Variants in DNAH11 observed in about 807,000 individuals in gnomAD.
DNAH11 encodes axonemal beta dynein heavy chain 11.
Under a neutral mutation model 526.0 loss-of-function variants are expected in DNAH11, and 442 were observed. The observed-to-expected ratio is 0.84, with a 90% CI of 0.78 to 0.91. The LOEUF (loss-of-function observed/expected upper bound fraction) is 0.91. Among genes scored for constraint, DNAH11 ranks in the 40% least tolerant of loss-of-function variants. The pLI is 0.00. For missense variants in DNAH11, 6,989 were observed against 5,448.7 expected (o/e 1.28, Z -8.90); for synonymous variants, 2,461 against 1,935.9 (o/e 1.27, Z -7.12).
At chr7:21,831,469 C>A (rs1205416980) in intron 65 of DNAH11, among the ~76,000 whole-genome samples, 2 of 152,274 alleles carry the variant, frequency 1.3e-5, no homozygotes, top group East Asian at 3.9e-4. Context: ...AGATCATAAA[C>A]ACCCCAATTG....
intron 7 of DNAH11, 36 bp from the exon 8 acceptor site, chr7:21,571,770 T>C: frequency 6.5e-7 from 1 of 1,533,728 alleles, no homozygotes; most frequent in Non-Finnish European, 8.8e-7. Flanking sequence ...TGCTGCTCAA[T>C]GTAGTGGAAA....
At chr7:21,736,823 C>G (rs971569169) in intron 46 of DNAH11, among the ~76,000 whole-genome samples, 3 of 151,998 alleles carry the variant, frequency 2.0e-5, no homozygotes, top group Non-Finnish European at 4.4e-5. Context: ...ATACCTGTCC[C>G]CCAAAAAGAG....
chr7:21,643,239 T>C (rs1256592943), intron 28 of DNAH11, among the ~76,000 whole-genome samples: 1 of 152,168 alleles, frequency 6.6e-6, no homozygotes, highest in Non-Finnish European at 1.5e-5. Context: ...GTTGTTAAAG[T>C]CAGACAAAAT....
chr7:21,642,399 A>T (rs536172410), intron 28 of DNAH11, among the ~76,000 whole-genome samples: 1 of 152,144 alleles, frequency 6.6e-6, no homozygotes, highest in East Asian at 1.9e-4. Context: ...TTCAACATGC[A>T]TTCTGAATTC....
At chr7:21,857,818 T>G (rs1248510373) in intron 68 of DNAH11, among the ~76,000 whole-genome samples, 1 of 152,048 alleles carries the variant, frequency 6.6e-6, no homozygotes, top group Non-Finnish European at 1.5e-5. Flanking sequence ...TATAAAAAAA[T>G]TCAAAATGAA....
Position 21,816,693 on chromosome 7 carries a change from G to A in DNAH11, c.10559G>A (p.Gly3520Asp), listed in dbSNP as rs758880826. ...YGMDLKVTHLGQKGFLNAIET... is the reference protein window; with the variant it reads ...YGMDLKVTHLDQKGFLNAIET... Reference sequence around the variant, plus strand: ...ATGGACCTGAAAGTCACACATTTGGGCCAGAAAGGGTATGTGAAGTTTGAA... The same window carrying A: ...ATGGACCTGAAAGTCACACATTTGGACCAGAAAGGGTATGTGAAGTTTGAA... Residue 3520 changes from glycine to aspartate, a missense_variant, in exon 64 of 82, where the codon GGC (glycine) becomes GAC (aspartate). Coordinates refer to ENST00000409508, the MANE Select transcript of DNAH11 (RefSeq NM_001277115.2). The A allele has an allele frequency of 1.2e-6, 2 of 1,613,146 alleles. No individual in the cohort carries two copies. The highest frequency in any genetic ancestry group is 2.7e-5 in the African/African-American group (2 of 74,884).
Position 21,750,480 on chromosome 7 carries a change from G to A in DNAH11, c.8940+116G>A, listed in dbSNP as rs150954875. On this transcript the variant is annotated intron_variant, in intron 54 of 81. Coordinates refer to ENST00000409508, the MANE Select transcript of DNAH11 (RefSeq NM_001277115.2). ...TTTCAGTCATGCATTTTGAAAGGAC[G>A]TGTGCATTTTTACACGCCTGTATCT... 3.3e-4 allele frequency: 458 copies of A among 1,387,828 alleles called. 6 individuals carry two copies. The East Asian group carries it at 9.4e-3, about 29-fold the overall frequency. The allele number at this position is 1,387,828 out of a possible 1,614,324, so 86.0% of individuals were successfully genotyped here.
At chr7:21,701,280 C>A (rs57164407) in intron 36 of DNAH11, among the ~76,000 whole-genome samples, 14 of 150,322 alleles carry the variant, frequency 9.3e-5, no homozygotes, top group African/African-American at 3.0e-4. Context: ...TTTCACCAAA[C>A]ACTTTTTACT....
intron 8 of DNAH11, among the ~76,000 whole-genome samples, chr7:21,578,653 A>G (rs1488556712): frequency 6.6e-6 from 1 of 152,198 alleles, no homozygotes; most frequent in Non-Finnish European, 1.5e-5. Flanking sequence ...CTGCCCTAGC[A>G]GAGGTTCTCC....
chr7:21,605,964 C>G (rs1246087305), intron 18 of DNAH11, among the ~76,000 whole-genome samples: 1 of 152,186 alleles, frequency 6.6e-6, no homozygotes, highest in Non-Finnish European at 1.5e-5. Context: ...CTTTTCATCA[C>G]TTTCATCCTT....
chr7:21,892,089 GT>G (rs1297509496), intron 76 of DNAH11, among the ~76,000 whole-genome samples: 3 of 152,094 alleles, frequency 2.0e-5, no homozygotes, highest in African/African-American at 7.2e-5. Flanking sequence ...AATGGGGATG[GT>G]TGGGAGAATC....
chr7:21,838,227 C>T (rs1196678692), intron 65 of DNAH11, among the ~76,000 whole-genome samples: 1 of 152,182 alleles, frequency 6.6e-6, no homozygotes, highest in Non-Finnish European at 1.5e-5. Flanking sequence ...CCTTATCAAA[C>T]AAGATTATCC....
In DNAH11 at chr7:21,687,243, A is replaced by C. The variant is rs1022609537; in HGVS notation, c.5766A>C (p.Gln1922His). Residue 1922 changes from glutamine (Q) to histidine (H), a missense_variant, in exon 33 of 82, where the codon CAA becomes CAC. Transcript: ENST00000409508. ...MMVYVFNCSE[Q>H]MDYKSIGNIY... Reference sequence around the variant, plus strand: ...TCTATGTATTCAACTGTTCAGAGCAAATGGACTACAAAGTAAGTTAGTAAG... The same window carrying C: ...TCTATGTATTCAACTGTTCAGAGCACATGGACTACAAAGTAAGTTAGTAAG... The C allele has an allele frequency of 6.3e-7, 1 of 1,583,752 alleles. No individual in the cohort carries two copies. Among genetic ancestry groups the C allele is most frequent in the Non-Finnish European group, 8.6e-7 (1 of 1,165,678 alleles).
intron 28 of DNAH11, among the ~76,000 whole-genome samples, chr7:21,644,634 AGG>A (rs750184413): frequency 5.9e-5 from 9 of 152,220 alleles, no homozygotes; most frequent in Non-Finnish European, 1.2e-4. Flanking sequence ...GACACAGAAA[AGG>A]GGTCATGGTT....
At chr7:21,808,504 G>A (rs1202120929) in intron 63 of DNAH11, among the ~76,000 whole-genome samples, 1 of 151,908 alleles carries the variant, frequency 6.6e-6, no homozygotes, top group Admixed American at 6.6e-5. Flanking sequence ...CTGTAGTTTT[G>A]TACCTACTAA....
Position 21,812,251 on chromosome 7 carries a change from G to C in DNAH11, c.10332+4202G>C, listed in dbSNP as rs76362065. 1.6e-3 allele frequency among the ~76,000 whole-genome samples: 236 copies of C among 152,250 alleles called. 2 individuals are homozygous for C. The East Asian group carries it at 0.042, about 27-fold the overall frequency. ...GAAATAGATTGGAGATTGTATATCT[G>C]GAGTCCATGGGTCTTAAAGGTGGCA... is the stretch of plus-strand genomic sequence containing the variant. On this transcript the variant is annotated intron_variant, in intron 63 of 81. Coordinates refer to ENST00000409508, the MANE Select transcript of DNAH11 (RefSeq NM_001277115.2).
chr7:21,628,052 G>A (rs1786431011), intron 25 of DNAH11, among the ~76,000 whole-genome samples: 1 of 151,908 alleles, frequency 6.6e-6, no homozygotes, highest in African/African-American at 2.4e-5. Context: ...TGTAGCTATT[G>A]TAAATGTGAT....
At chr7:21,853,805 G>A (rs1782729202) in intron 67 of DNAH11, among the ~76,000 whole-genome samples, 1 of 152,222 alleles carries the variant, frequency 6.6e-6, no homozygotes, top group South Asian at 2.1e-4. Context: ...ACATATGGAT[G>A]ATCCAGTGCA....
chr7:21,726,667 C>T (rs976342896), intron 45 of DNAH11, among the ~76,000 whole-genome samples: 11 of 151,094 alleles, frequency 7.3e-5, no homozygotes, highest in African/African-American at 2.7e-4. Context: ...CGAGGCCATC[C>T]TGGCTAACAC....
Sources: gnomAD v4.1 joint callset for allele counts (sites outside exome capture counted in the v4.1 genomes callset) on GRCh38, gnomAD v4.1.1 for gene constraint, MANE v1.5 for transcripts, NCBI Gene and HGNC (gene_info 2026-07-23, HGNC 2026-07-21) for gene names.